The following SNX10 variants were observed in gnomAD, a reference collection of about 807,000 sequenced individuals.
SNX10 encodes the protein sorting nexin 10.
SNX10 carries 25 observed loss-of-function variants against 28.5 expected under a neutral mutation model. The ratio of observed to expected loss-of-function variants is 0.88; its 90% CI spans 0.64 to 1.22. The LOEUF (loss-of-function observed/expected upper bound fraction) is 1.22, where lower values mean the gene tolerates loss of function less well. SNX10 is among the 50% of genes most tolerant of loss of function. The pLI, the probability that SNX10 is intolerant of heterozygous loss-of-function variation, is 0.00. For missense variants in SNX10, 223 were observed against 242.6 expected (o/e 0.92, Z 0.54); for synonymous variants, 62 against 81.4 (o/e 0.76, Z 1.28).
chr7:26,360,992 G>A lies in SNX10; in HGVS notation c.42G>A (p.Trp14Ter). The A allele has an allele frequency of 6.2e-7, 1 of 1,613,070 alleles. No individual in the cohort carries two copies. The highest frequency in any genetic ancestry group is 8.5e-7 in the Non-Finnish European group (1 of 1,179,664). Residue 14 changes from tryptophan to a stop codon, truncating the protein, a stop_gained, in exon 3 of 7, where the codon TGG (tryptophan) becomes TGA (stop). Transcript: ENST00000338523. LOFTEE classifies it high-confidence loss of function. Reference sequence around the variant, plus strand: ...CATTACAGGAATTTGTAAGTGTCTGGGTTCGAGATCCTAGGATTCAGAAGG... The same window carrying A: ...CATTACAGGAATTTGTAAGTGTCTGAGTTCGAGATCCTAGGATTCAGAAGG... ...EQQKEEFVSV[W>*]VRDPRIQKED...
At chr7:26,353,583 C>G (rs1250411575) in intron 2 of SNX10, among the ~76,000 whole-genome samples, 1 of 151,928 alleles carries the variant, frequency 6.6e-6, no homozygotes, top group African/African-American at 2.4e-5. Flanking sequence ...TCCCGAGTAG[C>G]TGGGATTACA....
chr7:26,358,805 GTTTTT>G (rs35527687), intron 2 of SNX10, among the ~76,000 whole-genome samples: 6 of 100,112 alleles, frequency 6.0e-5, no homozygotes, highest in South Asian at 3.7e-4. Context: ...GTTATCTTGT[GTTTTT>G]TTTTTTTTTT....
At chr7:26,338,408 C>T (rs1286306604) in intron 1 of SNX10, among the ~76,000 whole-genome samples, 2 of 151,988 alleles carry the variant, frequency 1.3e-5, no homozygotes, top group East Asian at 1.9e-4. Flanking sequence ...ACGCAGACCC[C>T]GCTGTGTGGG....
At chr7:26,302,679 C>T (rs1407346289) in intron 1 of SNX10, among the ~76,000 whole-genome samples, 1 of 152,188 alleles carries the variant, frequency 6.6e-6, no homozygotes, top group East Asian at 1.9e-4. Context: ...CTCCCTGCTC[C>T]CTGGTGACCA....
chr7:26,317,137 A>G (rs561738542), intron 1 of SNX10, among the ~76,000 whole-genome samples: 4 of 152,290 alleles, frequency 2.6e-5, no homozygotes, highest in African/African-American at 4.8e-5. Context: ...GGGTAATGAT[A>G]TTTTTATTCT....
At chr7:26,355,432 T>C (rs530066123) in intron 2 of SNX10, among the ~76,000 whole-genome samples, 1 of 152,366 alleles carries the variant, frequency 6.6e-6, no homozygotes, top group East Asian at 1.9e-4. Context: ...CTCTTTACTA[T>C]GTTGCGTCTT....
At chr7:26,344,422 G>A (rs1788301854) in intron 1 of SNX10, among the ~76,000 whole-genome samples, 1 of 150,218 alleles carries the variant, frequency 6.7e-6, no homozygotes. Context: ...GCTTGCCTTG[G>A]CCTCCCAAAG....
intron 1 of SNX10, among the ~76,000 whole-genome samples, chr7:26,340,060 G>T: frequency 6.6e-6 from 1 of 151,366 alleles, no homozygotes; most frequent in Non-Finnish European, 1.5e-5. Flanking sequence ...TTCATCATTT[G>T]AAAAAATATG....
In SNX10 at chr7:26,371,915, G is replaced by A; in HGVS notation, c.406G>A (p.Gly136Arg). Residue 136 changes from glycine (G) to arginine (R), a missense_variant, in exon 6 of 7, where the codon GGG (glycine) becomes AGG (arginine). Transcript: ENST00000338523. ...AGAAGACATTGAGGCGTGTGTTTCT[G>A]GGCAGACTAAGTACTCTGTGGAAGA... The part of the protein sequence containing the change: ...NSEDIEACVS[G>R]QTKYSVEEAI... 1 of 1,613,486 alleles carries A rather than the reference G, an allele frequency of 6.2e-7. No homozygotes were observed. Among genetic ancestry groups the A allele is most frequent in the Non-Finnish European group, 8.5e-7 (1 of 1,179,632 alleles).
At chr7:26,300,056 C>G (rs1786279674) in intron 1 of SNX10, among the ~76,000 whole-genome samples, 1 of 151,766 alleles carries the variant, frequency 6.6e-6, no homozygotes, top group South Asian at 2.1e-4. Flanking sequence ...ACTAAAAATA[C>G]AAAAATTAGC....
chr7:26,319,211 T>C (rs1227690044), intron 1 of SNX10, among the ~76,000 whole-genome samples: 1 of 152,260 alleles, frequency 6.6e-6, no homozygotes, highest in Non-Finnish European at 1.5e-5. Context: ...TCAGTAGACG[T>C]AGATATTGTA....
chr7:26,319,290 T>A (rs188932085), intron 1 of SNX10, among the ~76,000 whole-genome samples: 2 of 71,538 alleles, frequency 2.8e-5, no homozygotes, highest in Admixed American at 2.7e-4. Flanking sequence ...AAATTAAATA[T>A]ACTTATGAAA....
chr7:26,363,321 A>G (rs1220297118), intron 3 of SNX10, among the ~76,000 whole-genome samples: 1 of 152,206 alleles, frequency 6.6e-6, no homozygotes, highest in African/African-American at 2.4e-5. Context: ...ACCAGGAACC[A>G]TGTCATATAT....
chr7:26,349,359 T>A (rs1382250654), intron 2 of SNX10, among the ~76,000 whole-genome samples: 7 of 151,790 alleles, frequency 4.6e-5, no homozygotes, highest in Non-Finnish European at 1.0e-4. Context: ...TTTTTTTTTT[T>A]ACATTTTGGG....
At chr7:26,344,175 A>T (rs1400167831) in intron 1 of SNX10, among the ~76,000 whole-genome samples, 3 of 114,084 alleles carry the variant, frequency 2.6e-5, no homozygotes, top group Middle Eastern at 5.6e-3. Context: ...CTGTCTCTGA[A>T]TTTTTTTTTT....
chr7:26,323,599 A>G (rs559319106), intron 1 of SNX10, among the ~76,000 whole-genome samples: 17 of 152,284 alleles, frequency 1.1e-4, no homozygotes, highest in African/African-American at 3.1e-4. Flanking sequence ...AGTCATGGCA[A>G]GGGATTTACC....
intron 1 of SNX10, among the ~76,000 whole-genome samples, chr7:26,323,583 C>G (rs1372153442): frequency 6.6e-6 from 1 of 152,080 alleles, no homozygotes; most frequent in Non-Finnish European, 1.5e-5. Context: ...GAAGAGGGGC[C>G]TTGTTAGTCA....
intron 2 of SNX10, among the ~76,000 whole-genome samples, chr7:26,349,343 ATT>A (rs35282662): frequency 4.1e-5 from 6 of 146,622 alleles, no homozygotes; most frequent in Non-Finnish European, 4.5e-5. Flanking sequence ...AAATTTAGTA[ATT>A]TTTTTTTTTT....
intron 2 of SNX10, chr7:26,360,534 C>T: frequency 5.7e-6 from 1 of 174,458 alleles, no homozygotes. Context: ...AGCCACCCTG[C>T]TTGGCCTGGT....
Sources: allele counts gnomAD v4.1 joint callset (sites outside exome capture counted in the v4.1 genomes callset), GRCh38; gene constraint gnomAD v4.1.1; transcripts MANE v1.5; gene names NCBI Gene and HGNC (gene_info 2026-07-23, HGNC 2026-07-21).